Variants in POFUT1 observed in about 807,000 individuals in gnomAD.
POFUT1 encodes protein O-fucosyltransferase 1.
In POFUT1, 16 loss-of-function variants were observed where a neutral mutation model predicts 42.4. That is an observed-to-expected ratio of 0.38 (90% CI 0.26 to 0.57). POFUT1 has a LOEUF of 0.57. Ranked by LOEUF, POFUT1 falls within the 20% of genes least tolerant of loss-of-function variation. The pLI, the probability that POFUT1 is intolerant of heterozygous loss-of-function variation, is 0.71. For missense variants in POFUT1, 470 were observed against 504.6 expected (o/e 0.93, Z 0.66); for synonymous variants, 206 against 205.4 (o/e 1.00, Z -0.03).
At chr20:32,227,429 A>G (rs1035788276) in intron 4 of POFUT1, among the ~76,000 whole-genome samples, 2 of 152,166 alleles carry the variant, frequency 1.3e-5, no homozygotes, top group Admixed American at 6.5e-5. Context: ...CTGAGATGGG[A>G]AGGTCTTGCC....
intron 2 of POFUT1, among the ~76,000 whole-genome samples, chr20:32,212,785 T>G (rs1029454545): frequency 1.3e-5 from 2 of 152,218 alleles, no homozygotes; most frequent in Non-Finnish European, 2.9e-5. Flanking sequence ...TTTCGCCATG[T>G]TGGCCAGGTT....
rs1036953972 is a variant in POFUT1, at chr20:32,234,985, A to G, written c.*324A>G. The G allele has an allele frequency of 9.5e-5, 22 of 231,354 alleles. No homozygotes were observed. The highest frequency in any genetic ancestry group is 4.3e-4 in the African/African-American group (19 of 44,272). The allele number at this position is 231,354 out of a possible 1,614,324, so 14.3% of individuals were successfully genotyped here. ...AGCAGCCTGGGATGCTGAACTCTTC[A>G]GAGAGATTTTTTTATAGAGAGATTT... On this transcript the variant is annotated 3_prime_UTR_variant, in exon 7 of 7. Coordinates refer to ENST00000375749, the MANE Select transcript of POFUT1 (RefSeq NM_015352.2).
At chr20:32,214,327 G>T (rs1159708824) in intron 2 of POFUT1, among the ~76,000 whole-genome samples, 24 of 152,040 alleles carry the variant, frequency 1.6e-4, no homozygotes, top group Admixed American at 1.6e-3. Context: ...GTCTCGCTAT[G>T]TTGTCTAGGC....
chr20:32,212,004 T>C (rs1400011535), intron 2 of POFUT1, among the ~76,000 whole-genome samples: 5 of 152,230 alleles, frequency 3.3e-5, no homozygotes, highest in Admixed American at 1.3e-4. Flanking sequence ...TCAGATGTTA[T>C]CTAGATTCTG....
intron 4 of POFUT1, among the ~76,000 whole-genome samples, chr20:32,225,064 C>A (rs1215921464): frequency 2.0e-5 from 3 of 152,192 alleles, no homozygotes; most frequent in Non-Finnish European, 4.4e-5. Flanking sequence ...ATACATTAAT[C>A]CTCTCAGTAG....
intron 4 of POFUT1, among the ~76,000 whole-genome samples, chr20:32,224,208 A>G (rs982420953): frequency 6.6e-6 from 1 of 152,148 alleles, no homozygotes; most frequent in Non-Finnish European, 1.5e-5. Context: ...CCTGGGCAAC[A>G]TGGCGAAAAC....
At chr20:32,217,209 G>A in intron 4 of POFUT1, 2 of 1,430,402 alleles carry the variant, frequency 1.4e-6, no homozygotes, top group Non-Finnish European at 1.8e-6. Flanking sequence ...AACATTTATA[G>A]GGCGCCTGTC....
At chr20:32,214,981 G>A (rs930833956) in intron 2 of POFUT1, among the ~76,000 whole-genome samples, 1 of 152,084 alleles carries the variant, frequency 6.6e-6, no homozygotes, top group African/African-American at 2.4e-5. Context: ...TCCACCTCCT[G>A]GGTTCAAGCA....
In POFUT1 at chr20:32,210,106, T is replaced by C. The variant is rs751482931; in HGVS notation, c.160T>C (p.Ser54Pro). The C allele has an allele frequency of 6.2e-7, 1 of 1,614,180 alleles. No individual in the cohort carries two copies. The change falls in exon 2 of 7, where the codon TCT (serine) becomes CCT (proline). Residue 54 changes from serine (S) to proline (P), a missense_variant. Coordinates refer to ENST00000375749, the MANE Select transcript of POFUT1 (RefSeq NM_015352.2). The part of the protein sequence containing the change: ...FGNQADHFLG[S>P]LAFAKLLNRT... The stretch of plus-strand genomic sequence containing the variant: ...GAACCAGGCCGATCACTTCTTGGGC[T>C]CTCTGGCATTTGCAAAGCTGCTAAA...
intron 3 of POFUT1, 80 bp from the exon 4 acceptor site, chr20:32,216,529 C>A: frequency 1.2e-6 from 1 of 829,168 alleles, no homozygotes; most frequent in Non-Finnish European, 2.1e-6. Flanking sequence ...CCCAGCTTCC[C>A]CCACCTACAC....
intron 2 of POFUT1, among the ~76,000 whole-genome samples, chr20:32,214,565 C>A (rs2047348701): frequency 6.6e-6 from 1 of 152,230 alleles, no homozygotes; most frequent in South Asian, 2.1e-4. Flanking sequence ...TTGCTAGTCT[C>A]ATGAGTGAGA....
rs1201954558 is a variant in POFUT1 at position 32,236,060 on chromosome 20, G to A, written c.*1399G>A. Reference sequence around the variant, plus strand: ...TAGAGCTGCCACCCAACTCTAAGCAGGAGAAACTGTACAGAAAGGGCTTTG... The same window carrying A: ...TAGAGCTGCCACCCAACTCTAAGCAAGAGAAACTGTACAGAAAGGGCTTTG... On this transcript the variant is annotated 3_prime_UTR_variant, in exon 7 of 7. Transcript: ENST00000375749. 2 of 152,278 alleles carry A rather than the reference G, an allele frequency of 1.3e-5. No individual in the cohort carries two copies. 9.4% of individuals were successfully genotyped at this position (152,278 alleles called of 1,614,324 possible).
intron 3 of POFUT1, among the ~76,000 whole-genome samples, chr20:32,216,343 C>T (rs970913514): frequency 6.6e-6 from 1 of 152,184 alleles, no homozygotes; most frequent in Non-Finnish European, 1.5e-5. Flanking sequence ...CTGCTTCTCC[C>T]CAGACCCTCA....
chr20:32,231,189 C>A, intron 6 of POFUT1, 128 bp downstream of exon 6: 1 of 991,084 alleles, frequency 1.0e-6, no homozygotes, highest in Non-Finnish European at 1.5e-6. Context: ...CATTCCTCTT[C>A]AGTTCCTACC....
At chr20:32,227,620 C>CAAGG (rs1349816787) in intron 4 of POFUT1, among the ~76,000 whole-genome samples, 3 of 152,136 alleles carry the variant, frequency 2.0e-5, no homozygotes, top group African/African-American at 7.2e-5. Context: ...CTTCCCACAG[C>CAAGG]AAGGACAGAG....
chr20:32,212,446 A>T (rs2047334482), intron 2 of POFUT1, among the ~76,000 whole-genome samples: 1 of 151,794 alleles, frequency 6.6e-6, no homozygotes, highest in African/African-American at 2.4e-5. Context: ...TTTGATTTTT[A>T]GTAGGGACAA....
At chr20:32,218,588 CATT>C (rs2047374307) in intron 4 of POFUT1, among the ~76,000 whole-genome samples, 1 of 152,200 alleles carries the variant, frequency 6.6e-6, no homozygotes, top group Non-Finnish European at 1.5e-5. Flanking sequence ...AAATCTTCCT[CATT>C]GTTGATCCCA....
At chr20:32,224,173 T>G (rs2047403480) in intron 4 of POFUT1, among the ~76,000 whole-genome samples, 1 of 152,080 alleles carries the variant, frequency 6.6e-6, no homozygotes, top group Non-Finnish European at 1.5e-5. Flanking sequence ...GGGCGGATCT[T>G]CTGAGGTCAG....
At chr20:32,225,266 T>C (rs2047408930) in intron 4 of POFUT1, among the ~76,000 whole-genome samples, 1 of 149,208 alleles carries the variant, frequency 6.7e-6, no homozygotes, top group African/African-American at 2.6e-5. Context: ...CTCAGCTCAC[T>C]GCAAGCTCTG....
Sources: allele counts gnomAD v4.1 joint callset (sites outside exome capture counted in the v4.1 genomes callset), GRCh38; gene constraint gnomAD v4.1.1; transcripts MANE v1.5; gene names NCBI Gene and HGNC (gene_info 2026-07-23, HGNC 2026-07-21).